ABCA7: variants seen among roughly 807,000 people sequenced by gnomAD.
ABCA7 encodes the protein ATP binding cassette subfamily A member 7.
A neutral mutation model predicts 227.6 loss-of-function variants in ABCA7; 261 were observed. That is an observed-to-expected ratio of 1.15 (90% CI 1.04 to 1.27). The LOEUF (loss-of-function observed/expected upper bound fraction) is 1.27. ABCA7 is among the 50% of genes most tolerant of loss of function. ABCA7 has a pLI of 0.00. For synonymous variants in ABCA7, 1,488 were observed against 1,279.7 expected, an observed-to-expected ratio of 1.16 and a Z score of -3.47; for missense variants, 3,331 against 2,924.5, an observed-to-expected ratio of 1.14 and a Z score of -3.21.
In ABCA7 at chr19:1,047,633, T is replaced by C; in HGVS notation, c.2248T>C (p.Tyr750His). Residue 750 changes from tyrosine (Y) to histidine (H), a missense_variant, in exon 16 of 47, where the codon TAC becomes CAC. Physicochemically the swap from Tyr to His is moderately conservative, Grantham distance 83. Transcript: ENST00000263094. The part of the protein sequence containing the change: ...DAALYGLATW[Y>H]LEAVCPGQYG... ...GGCGCTCTACGGCCTCGCCACCTGG[T>C]ACCTGGAAGCTGTGTGCCCAGGTGG... 2.5e-6 allele frequency: 4 copies of C among 1,598,458 alleles called. No individual in the cohort carries two copies. The highest frequency in any genetic ancestry group is 3.4e-6 in the Non-Finnish European group (4 of 1,177,252).
chr19:1,050,475 T>C lies in ABCA7; in HGVS notation c.2553-446T>C, dbSNP rs2041466811. ...ATCACAGGGTTTTGGATGTAGCATT[T>C]AATAGGTGCTCTGTGGCCAGGCGTG... On this transcript the variant is annotated intron_variant, in intron 18 of 46. Transcript: ENST00000263094. Among the ~76,000 whole-genome samples, 3 of 144,626 alleles carry C rather than the reference T, an allele frequency of 2.1e-5. No homozygotes were observed. The South Asian group carries it at 6.7e-4, about 33-fold the overall frequency. The allele number at this position is 144,626 out of a possible 152,430, so 94.9% of individuals were successfully genotyped here. A position where few individuals can be genotyped will look rare whatever the true frequency, so the allele number is the denominator to read the frequency against.
Position 1,044,473 on chromosome 19 carries a change from C to T in ABCA7, c.1048-104C>T, listed in dbSNP as rs2040401364. 4 of 1,392,992 alleles carry T rather than the reference C, an allele frequency of 2.9e-6. No homozygotes were observed. In the East Asian group the frequency reaches 7.1e-5, roughly 25 times the overall value. The allele number at this position is 1,392,992 out of a possible 1,614,324, so 86.3% of individuals were successfully genotyped here. ...ATGTTGGCCAGGCTGGTCTCGAACTCCTGACCTCAGGTGATCCACCCGCCT... is the reference window on the plus strand; with the variant it reads ...ATGTTGGCCAGGCTGGTCTCGAACTTCTGACCTCAGGTGATCCACCCGCCT... On this transcript the variant is annotated intron_variant, in intron 10 of 46. Coordinates refer to ENST00000263094, the MANE Select transcript of ABCA7 (RefSeq NM_019112.4).
In ABCA7 at chr19:1,057,049, A is replaced by C. The variant is rs545689782; in HGVS notation, c.4729A>C (p.Thr1577Pro). 1.2e-6 allele frequency: 2 copies of C among 1,613,442 alleles called. No homozygotes were observed. The highest frequency in any genetic ancestry group is 2.7e-5 in the African/African-American group (2 of 74,952). Reference protein sequence around the residue: ...HLQLMGGLSPTLYWLGNFLWD... With the variant: ...HLQLMGGLSPPLYWLGNFLWD... ...GCAGCTCATGGGGGGCCTGTCCCCC[A>C]CCCTCTACTGGCTTGGCAACTTTCT... Residue 1577 changes from threonine (T) to proline (P), a missense_variant, in exon 34 of 47, where the codon ACC becomes CCC. Thr to Pro is a conservative substitution (Grantham distance 38). Transcript: ENST00000263094.
At chr19:1,064,644 T>G in intron 45 of ABCA7, 3 of 515,590 alleles carry the variant, frequency 5.8e-6, no homozygotes, top group Non-Finnish European at 6.7e-6. Flanking sequence ...GAAAGAGGAG[T>G]GTCCGAAAAA....
chr19:1,047,655 G>C lies in ABCA7; in HGVS notation c.2269+1G>C. 6.3e-7 allele frequency: 1 copy of C among 1,591,808 alleles called. No homozygotes were observed. Among genetic ancestry groups the C allele is most frequent in the Non-Finnish European group, 8.5e-7 (1 of 1,174,150 alleles). ...TGGTACCTGGAAGCTGTGTGCCCAG[G>C]TGGGCCGTAGGGGGCGGGGCTCCGG... On this transcript the variant is annotated splice_donor_variant, in intron 16 of 46. Transcript: ENST00000263094. LOFTEE classifies it high-confidence loss of function.
chr19:1,052,020 G>T lies in ABCA7; in HGVS notation c.3041G>T (p.Gly1014Val), dbSNP rs1486124584. Residue 1014 changes from glycine (G) to valine (V), a missense_variant, in exon 22 of 47, where the codon GGC becomes GTC. By Grantham distance (109) the Gly-to-Val change is moderately radical. Transcript: ENST00000263094. The part of the protein sequence containing the change: ...LGDRVAVVAG[G>V]RLCCCGSPLF... ...GACCGTGTGGCCGTGGTGGCAGGTG[G>T]CCGCTTGTGCTGCTGTGGCTCCCCA... The T allele has an allele frequency of 6.2e-7, 1 of 1,612,126 alleles. No individual in the cohort carries two copies.
Position 1,063,668 on chromosome 19 carries a change from T to A in ABCA7, c.5837T>A (p.Val1946Glu). The A allele has an allele frequency of 6.2e-7, 1 of 1,600,684 alleles. No homozygotes were observed. Reference protein sequence around the residue: ...TALALVGDPAVVFLDEPTTGM... With the variant: ...TALALVGDPAEVFLDEPTTGM... ...CTGGCGCTGGTTGGGGACCCAGCCG[T>A]GGTGTTTCTGGTGCGTGGGAGCGGT... is the stretch of plus-strand genomic sequence containing the variant. The change falls in exon 43 of 47, where the codon GTG becomes GAG. Residue 1946 changes from valine (V) to glutamate (E), a missense_variant. Val to Glu is a moderately radical substitution (Grantham distance 121). Coordinates refer to ENST00000263094, the MANE Select transcript of ABCA7 (RefSeq NM_019112.4).
chr19:1,061,974 G>A (rs2042686217), intron 41 of ABCA7, 86 bp downstream of exon 41: 1 of 1,454,234 alleles, frequency 6.9e-7, no homozygotes, highest in African/African-American at 1.4e-5. Flanking sequence ...CCAGTGAATG[G>A]ACTGGGCTCA....
At chr19:1,040,615 A>G (rs1041471848) in intron 1 of ABCA7, among the ~76,000 whole-genome samples, 1 of 152,140 alleles carries the variant, frequency 6.6e-6, no homozygotes, top group Admixed American at 6.5e-5. Context: ...TCTGTGTCAG[A>G]GGTGGACCGG....
At chr19:1,042,607 C>T (rs753328808) in intron 6 of ABCA7, 139 bp from the exon 7 acceptor site, 2 of 1,050,726 alleles carry the variant, frequency 1.9e-6, no homozygotes, top group South Asian at 2.6e-5. Context: ...CCAATGAGTC[C>T]CTTTGCCTCT....
Position 1,057,674 on chromosome 19 carries a change from G to A in ABCA7, c.4881-241G>A, listed in dbSNP as rs4147917. Among the ~76,000 whole-genome samples the A allele has an allele frequency of 9.2e-5, 14 of 152,132 alleles. No individual in the cohort carries two copies. In the East Asian group the frequency reaches 2.5e-3, roughly 27 times the overall value. On this transcript the variant is annotated intron_variant, in intron 35 of 46. Coordinates refer to ENST00000263094, the MANE Select transcript of ABCA7 (RefSeq NM_019112.4). Reference sequence around the variant, plus strand: ...AATTCCAGTACTTTGGGAGGCCGAGGCAGGAGGACTGCTTGTGGCCAGGAG... The same window carrying A: ...AATTCCAGTACTTTGGGAGGCCGAGACAGGAGGACTGCTTGTGGCCAGGAG...
chr19:1,049,017 C>G lies in ABCA7; in HGVS notation c.2380+12C>G, dbSNP rs753623259. 4 of 1,502,738 alleles carry G rather than the reference C, an allele frequency of 2.7e-6. No individual in the cohort carries two copies. The Admixed American group carries it at 8.3e-5, about 31-fold the overall frequency. 93.1% of individuals were successfully genotyped at this position (1,502,738 alleles called of 1,614,324 possible). A position where few individuals can be genotyped will look rare whatever the true frequency, so the allele number is the denominator to read the frequency against. ...GCTGGACCCAAAGGGTGAGGCACTACGAGGCTTAATAGCTGGTTGTCCACA... is the reference window on the plus strand; with the variant it reads ...GCTGGACCCAAAGGGTGAGGCACTAGGAGGCTTAATAGCTGGTTGTCCACA... On this transcript the variant is annotated intron_variant, in intron 17 of 46. Coordinates refer to ENST00000263094, the MANE Select transcript of ABCA7 (RefSeq NM_019112.4).
intron 46 of ABCA7, 24 bp from the exon 47 acceptor site, chr19:1,065,246 C>T: frequency 6.2e-7 from 1 of 1,611,608 alleles, no homozygotes; most frequent in Non-Finnish European, 8.5e-7. Context: ...TCCCTCTTGT[C>T]CCCTCTGGGC....
At chr19:1,045,427 G>A in intron 12 of ABCA7, 196 bp downstream of exon 12, 2 of 618,184 alleles carry the variant, frequency 3.2e-6, no homozygotes, top group Non-Finnish European at 5.6e-6. Context: ...AGGTGCATGA[G>A]GGGCGTGGCC....
In ABCA7 at chr19:1,055,210, T is replaced by G. The variant is rs2042139372; in HGVS notation, c.4064T>G (p.Leu1355Arg). 2 of 1,609,990 alleles carry G rather than the reference T, an allele frequency of 1.2e-6. No individual in the cohort carries two copies. The highest frequency in any genetic ancestry group is 2.7e-5 in the African/African-American group (2 of 74,880). The change falls in exon 30 of 47, where the codon CTG (leucine) becomes CGG (arginine). Residue 1355 changes from leucine to arginine, a missense_variant. Physicochemically the swap from Leu to Arg is moderately radical, Grantham distance 102 (BLOSUM62 -2). Coordinates refer to ENST00000263094, the MANE Select transcript of ABCA7 (RefSeq NM_019112.4). ...CQCSRPGARR[L>R]LPDCPAAAGG... ...TGTAGCCGGCCCGGTGCCCGGCGCC[T>G]GCTGCCCGACTGCCCGGCTGCAGCT...
At position 1,057,930 on chromosome 19, in the gene ABCA7, G is replaced by A. The variant is rs374606460; in HGVS notation, c.4896G>A (p.Pro1632=). 131 of 1,613,910 alleles carry A rather than the reference G, an allele frequency of 8.1e-5. No homozygotes were observed. Among genetic ancestry groups the A allele is most frequent in the Non-Finnish European group, 1.0e-4 (121 of 1,180,028 alleles). ...LLLLYGWSIT[P]LMYPASFFFS... ...GTCCCTTCAGCTGGTCGATCACACC[G>A]CTCATGTACCCAGCCTCCTTCTTCT... The change falls in exon 36 of 47, where the codon CCG becomes CCA. Residue 1632 remains proline, a synonymous_variant. Coordinates refer to ENST00000263094, the MANE Select transcript of ABCA7 (RefSeq NM_019112.4).
Position 1,054,029 on chromosome 19 carries a change from T to G in ABCA7, c.3496T>G (p.Cys1166Gly). 6.2e-7 allele frequency: 1 copy of G among 1,613,286 alleles called. No homozygotes were observed. The highest frequency in any genetic ancestry group is 8.5e-7 in the Non-Finnish European group (1 of 1,179,948). ...MEDGSCGQHL[C>G]TGIAGLDVTL... ...AGATGGCAGCTGCGGGCAGCACCTA[T>G]GCACAGGCATTGCTGGCCTAGACGT... The change falls in exon 26 of 47, where the codon TGC becomes GGC. Residue 1166 changes from cysteine (C) to glycine (G), a missense_variant. Physicochemically the swap from Cys to Gly is radical, Grantham distance 159. Transcript: ENST00000263094. The surrounding 1 kb of genome is among the most constrained non-coding windows in gnomAD (Gnocchi z 4.8).
Position 1,054,017 on chromosome 19 carries a change from G to C in ABCA7, c.3484G>C (p.Gly1162Arg). 1 of 1,613,234 alleles carries C rather than the reference G, an allele frequency of 6.2e-7. No individual in the cohort carries two copies. The highest frequency in any genetic ancestry group is 8.5e-7 in the Non-Finnish European group (1 of 1,179,908). Residue 1162 changes from glycine to arginine, a missense_variant, in exon 26 of 47, where the codon GGG becomes CGG. Physicochemically the swap from Gly to Arg is moderately radical, Grantham distance 125. Coordinates refer to ENST00000263094, the MANE Select transcript of ABCA7 (RefSeq NM_019112.4). The surrounding 1 kb of genome is among the most constrained non-coding windows in gnomAD (Gnocchi z 4.8). ...ADTDMEDGSC[G>R]QHLCTGIAGL... ...TGATGGCCCTGCAGATGGCAGCTGC[G>C]GGCAGCACCTATGCACAGGCATTGC... is the stretch of plus-strand genomic sequence containing the variant.
At chr19:1,042,677 A>C in intron 6 of ABCA7, 69 bp from the exon 7 acceptor site, 17 of 1,451,004 alleles carry the variant, frequency 1.2e-5, no homozygotes, top group African/African-American at 1.4e-5. Context: ...CTGCCTGGGA[A>C]CTGGCCAGAG....
Sources: gnomAD v4.1 joint callset for allele counts (sites outside exome capture counted in the v4.1 genomes callset) on GRCh38, gnomAD v4.1.1 for gene constraint, Gnocchi (gnomAD v3.1) non-coding constraint, MANE v1.5 for transcripts, NCBI Gene and HGNC (gene_info 2026-07-23, HGNC 2026-07-21) for gene names.